CLVS1: variants seen among roughly 807,000 people sequenced by gnomAD.
CLVS1 encodes the protein clavesin-1.
In CLVS1, 10 loss-of-function variants were observed where a neutral mutation model predicts 33.1. The ratio of observed to expected loss-of-function variants is 0.30; its 90% CI spans 0.19 to 0.51. The LOEUF (loss-of-function observed/expected upper bound fraction) is 0.51. Among genes scored for constraint, CLVS1 ranks in the 20% least tolerant of loss-of-function variants. CLVS1 has a pLI of 0.97. For missense variants in CLVS1, 343 were observed against 433.4 expected, an observed-to-expected ratio of 0.79 and a Z score of 1.85; for synonymous variants, 163 against 166.1, an observed-to-expected ratio of 0.98 and a Z score of 0.14.
chr8:60,995,447 C>G, the CLVS1 span, among the ~76,000 whole-genome samples: 16 of 149,552 alleles, frequency 1.1e-4, no homozygotes, highest in Admixed American at 2.7e-4. Context: ...AAATGCAAAT[C>G]AAAACCACAA....
chr8:61,165,211 G>A (rs550506727), intron 2 of CLVS1, among the ~76,000 whole-genome samples: 3 of 152,370 alleles, frequency 2.0e-5, no homozygotes, highest in East Asian at 1.9e-4. Flanking sequence ...GCTGGATCCG[G>A]AAGAATGGAA....
chr8:61,055,107 A>G (rs1050194404), upstream of CLVS1, among the ~76,000 whole-genome samples: 1 of 152,218 alleles, frequency 6.6e-6, no homozygotes, highest in Non-Finnish European at 1.5e-5. Flanking sequence ...CCAACTCAAA[A>G]AACTTCATTA....
At chr8:60,969,517 C>T in the CLVS1 span, among the ~76,000 whole-genome samples, 1 of 152,032 alleles carries the variant, frequency 6.6e-6, no homozygotes, top group Non-Finnish European at 1.5e-5. Flanking sequence ...GTGTCTAAAC[C>T]GTAAAAGAAA....
At chr8:61,224,225 G>A (rs968198656) in intron 2 of CLVS1, among the ~76,000 whole-genome samples, 1 of 152,084 alleles carries the variant, frequency 6.6e-6, no homozygotes, top group African/African-American at 2.4e-5. Context: ...GAGATGTTGT[G>A]ATCATCTGGA....
chr8:61,223,856 C>A (rs1431961096), intron 2 of CLVS1, among the ~76,000 whole-genome samples: 1 of 152,086 alleles, frequency 6.6e-6, no homozygotes, highest in Non-Finnish European at 1.5e-5. Context: ...TTCTTGGAGG[C>A]TTTGCTCATT....
At chr8:61,461,056 A>T (rs1258156980) in intron 5 of CLVS1, among the ~76,000 whole-genome samples, 1 of 152,222 alleles carries the variant, frequency 6.6e-6, no homozygotes, top group African/African-American at 2.4e-5. Flanking sequence ...AAGCTGAACC[A>T]GTTGAGGTGT....
At chr8:61,490,228 T>A (rs1202279041) in intron 5 of CLVS1, among the ~76,000 whole-genome samples, 1 of 151,070 alleles carries the variant, frequency 6.6e-6, no homozygotes, top group African/African-American at 2.4e-5. Flanking sequence ...GGCAGGAGAA[T>A]GCTTTGATGC....
chr8:61,481,883 G>T (rs1586039184), intron 5 of CLVS1, among the ~76,000 whole-genome samples: 1 of 152,136 alleles, frequency 6.6e-6, no homozygotes, highest in East Asian at 1.9e-4. Context: ...AGATCTGAGA[G>T]TGGACAGTCT....
intron 1 of CLVS1, among the ~76,000 whole-genome samples, chr8:61,110,511 T>TA (rs918497176): frequency 4.9e-4 from 74 of 149,886 alleles, no homozygotes; most frequent in African/African-American, 1.6e-3. Flanking sequence ...AAGTGGGATT[T>TA]AAAAAAAAAA....
intron 2 of CLVS1, among the ~76,000 whole-genome samples, chr8:61,353,182 C>T (rs1372482250): frequency 6.6e-6 from 1 of 152,002 alleles, no homozygotes; most frequent in Admixed American, 6.6e-5. Flanking sequence ...TTGAACAACG[C>T]AATCAACCAA....
chr8:61,476,987 A>G (rs915629363), intron 5 of CLVS1, among the ~76,000 whole-genome samples: 3 of 152,108 alleles, frequency 2.0e-5, no homozygotes, highest in Non-Finnish European at 4.4e-5. Context: ...TACCTAATTT[A>G]TTGAGAGTTT....
At chr8:61,276,524 A>C (rs4033602) in intron 2 of CLVS1, among the ~76,000 whole-genome samples, 50 of 152,320 alleles carry the variant, frequency 3.3e-4, no homozygotes, top group African/African-American at 1.2e-3. Context: ...CTCAGTTTTT[A>C]AACCTCCTCA....
At chr8:61,312,307 G>A (rs1810857368) in intron 2 of CLVS1, among the ~76,000 whole-genome samples, 1 of 152,184 alleles carries the variant, frequency 6.6e-6, no homozygotes, top group South Asian at 2.1e-4. Flanking sequence ...AACAGCCACT[G>A]GGAAAGATTA....
At chr8:61,340,807 G>C (rs571932549) in intron 2 of CLVS1, among the ~76,000 whole-genome samples, 4 of 152,260 alleles carry the variant, frequency 2.6e-5, no homozygotes, top group South Asian at 2.1e-4. Flanking sequence ...TTTCTAATTG[G>C]AATGAATTTC....
chr8:61,176,759 G>A (rs1459875287), intron 2 of CLVS1, among the ~76,000 whole-genome samples: 1 of 152,198 alleles, frequency 6.6e-6, no homozygotes, highest in Non-Finnish European at 1.5e-5. Context: ...CCTCAGCCAA[G>A]GGAGGTGATA....
intron 2 of CLVS1, among the ~76,000 whole-genome samples, chr8:61,261,226 C>G (rs1410005329): frequency 6.6e-6 from 1 of 152,170 alleles, no homozygotes; most frequent in African/African-American, 2.4e-5. Context: ...CATCCCTTTA[C>G]CTTGCTGTGC....
At chr8:61,414,323 G>A (rs1815344995) in intron 3 of CLVS1, among the ~76,000 whole-genome samples, 1 of 152,118 alleles carries the variant, frequency 6.6e-6, no homozygotes, top group Non-Finnish European at 1.5e-5. Context: ...GATATGCCAG[G>A]GGATTTTCAA....
intron 2 of CLVS1, among the ~76,000 whole-genome samples, chr8:61,194,421 A>G (rs1337887407): frequency 6.6e-6 from 1 of 152,056 alleles, no homozygotes; most frequent in Non-Finnish European, 1.5e-5. Context: ...TCTTTTGAGT[A>G]ATGGCTGATA....
chr8:61,113,021 G>A (rs1261420714), intron 1 of CLVS1, among the ~76,000 whole-genome samples: 1 of 152,154 alleles, frequency 6.6e-6, no homozygotes, highest in Non-Finnish European at 1.5e-5. Context: ...CTGCTGTATT[G>A]CTATGGCATC....
Sources: gnomAD v4.1 joint callset for allele counts (sites outside exome capture counted in the v4.1 genomes callset) on GRCh38, gnomAD v4.1.1 for gene constraint, MANE v1.5 for transcripts, NCBI Gene and HGNC (gene_info 2026-07-23, HGNC 2026-07-21) for gene names.